Variants in CPNE2 observed in about 807,000 individuals in gnomAD.
CPNE2 encodes the protein copine 2.
Under a neutral mutation model 69.7 loss-of-function variants are expected in CPNE2, and 42 were observed. The ratio of observed to expected loss-of-function variants is 0.60; its 90% CI spans 0.47 to 0.78. The LOEUF is 0.78. Among genes scored for constraint, CPNE2 ranks in the 30% least tolerant of loss-of-function variants. CPNE2 has a pLI of 0.00. For synonymous variants in CPNE2, 294 were observed against 289.8 expected (o/e 1.01, Z -0.15); for missense variants, 587 against 732.0 (o/e 0.80, Z 2.29).
At chr16:57,127,105 C>T (rs2069806096) in intron 11 of CPNE2, among the ~76,000 whole-genome samples, 1 of 152,170 alleles carries the variant, frequency 6.6e-6, no homozygotes, top group Non-Finnish European at 1.5e-5. Context: ...AGGAAGAAAT[C>T]GTCGGAGTTC....
In CPNE2 at chr16:57,101,062, G is replaced by A. The variant is rs577750810; in HGVS notation, c.-36+8272G>A. ...TCCAGCAGCTTACCCTCCATTATGT[G>A]TGGCCCTCATTCAATTGATCAGAGG... On this transcript the variant is annotated intron_variant, in intron 1 of 15. Coordinates refer to ENST00000290776, the MANE Select transcript of CPNE2 (RefSeq NM_152727.6). Among the ~76,000 whole-genome samples, 153 of 152,296 alleles carry A rather than the reference G, an allele frequency of 1.0e-3. 1 individual carries two copies. The highest frequency in any genetic ancestry group is 3.6e-3 in the African/African-American group (148 of 41,562).
At chr16:57,125,215 C>T (rs1273432630) in intron 10 of CPNE2, 2 of 449,178 alleles carry the variant, frequency 4.5e-6, no homozygotes, top group African/African-American at 4.0e-5. Flanking sequence ...AGCCCTAGTC[C>T]CTGCCTGCCC....
At chr16:57,103,771 G>A (rs537057161) in intron 1 of CPNE2, among the ~76,000 whole-genome samples, 9 of 152,156 alleles carry the variant, frequency 5.9e-5, no homozygotes, top group African/African-American at 1.9e-4. Context: ...GCTGGTTCCC[G>A]GGTTCTACAT....
intron 2 of CPNE2, among the ~76,000 whole-genome samples, chr16:57,112,427 G>A (rs1405142692): frequency 1.3e-5 from 2 of 150,896 alleles, no homozygotes; most frequent in Admixed American, 6.6e-5. Context: ...CACCCTCCCT[G>A]ACAACCTCTG....
intron 12 of CPNE2, among the ~76,000 whole-genome samples, chr16:57,134,312 C>T (rs1018007340): frequency 2.0e-5 from 3 of 152,140 alleles, no homozygotes; most frequent in Non-Finnish European, 4.4e-5. Flanking sequence ...GGCTGTCTGG[C>T]GCAAGGCAGG....
intron 5 of CPNE2, among the ~76,000 whole-genome samples, chr16:57,118,799 T>A (rs1240531463): frequency 6.6e-6 from 1 of 152,218 alleles, no homozygotes; most frequent in Non-Finnish European, 1.5e-5. Flanking sequence ...CAGGATAGTT[T>A]CAGTTTTTCA....
intron 1 of CPNE2, among the ~76,000 whole-genome samples, chr16:57,099,416 G>A (rs2069598690): frequency 6.6e-6 from 1 of 152,134 alleles, no homozygotes; most frequent in African/African-American, 2.4e-5. Context: ...GAACATTCCT[G>A]TGTGTATCTT....
chr16:57,137,355 G>C, intron 14 of CPNE2, 73 bp downstream of exon 14: 1 of 1,568,004 alleles, frequency 6.4e-7, no homozygotes, highest in Non-Finnish European at 8.7e-7. Flanking sequence ...AGGATATTCT[G>C]CCTTCTCTTT....
intron 9 of CPNE2, among the ~76,000 whole-genome samples, chr16:57,122,126 C>A (rs1342368042): frequency 6.6e-6 from 1 of 152,250 alleles, no homozygotes; most frequent in Non-Finnish European, 1.5e-5. Flanking sequence ...ACCCTGTCCT[C>A]TCTGGCATCA....
chr16:57,107,103 G>A (rs996613480), intron 1 of CPNE2, among the ~76,000 whole-genome samples: 2 of 152,162 alleles, frequency 1.3e-5, no homozygotes, highest in African/African-American at 4.8e-5. Flanking sequence ...ATGGGAAGGC[G>A]CTCTCAGCCA....
At chr16:57,119,687 C>T (rs765415006) in intron 7 of CPNE2, 37 bp downstream of exon 7, 8 of 1,451,960 alleles carry the variant, frequency 5.5e-6, no homozygotes, top group Non-Finnish European at 7.6e-6. Flanking sequence ...CCCACCTTGC[C>T]AGCTCCAGCC....
rs1317838191 is a variant in CPNE2 at position 57,147,743 on chromosome 16, G to A, written c.*85G>A. On this transcript the variant is annotated 3_prime_UTR_variant, in exon 16 of 16. Transcript: ENST00000290776. ...ACGCTCACTCTGCTTCCTTGTGGGT[G>A]GCCTTTTTTTACCGATCCCCTTTTT... is the stretch of plus-strand genomic sequence containing the variant. The A allele has an allele frequency of 1.1e-5, 10 of 872,380 alleles. No individual in the cohort carries two copies. Among genetic ancestry groups the A allele is most frequent in the Non-Finnish European group, 1.6e-5 (10 of 619,900 alleles). 54.0% of individuals were successfully genotyped at this position (872,380 alleles called of 1,614,324 possible). A position where few individuals can be genotyped will look rare whatever the true frequency, so the allele number is the denominator to read the frequency against.
intron 1 of CPNE2, among the ~76,000 whole-genome samples, chr16:57,110,219 C>CTTT (rs2069671750): frequency 8.2e-6 from 1 of 121,578 alleles, no homozygotes; most frequent in African/African-American, 3.1e-5. Context: ...TTTTTCTTTT[C>CTTT]TTTTCTTTTT....
rs146402313 is a variant in CPNE2 at position 57,129,096 on chromosome 16, G to A, written c.1116+1193G>A. 4.1e-3 allele frequency: 623 copies of A among 153,288 alleles called. 1 individual carries two copies. Among genetic ancestry groups the A allele is most frequent in the Non-Finnish European group, 6.9e-3 (476 of 68,640 alleles). The allele number at this position is 153,288 out of a possible 1,614,324, so 9.5% of individuals were successfully genotyped here. A position where few individuals can be genotyped will look rare whatever the true frequency, so the allele number is the denominator to read the frequency against. ...GGCAGTGGGGCAGGGGGAGCCTTCA[G>A]GGCAGAGAACAGACTGTGCGAAGCC... On this transcript the variant is annotated intron_variant, in intron 12 of 15. Coordinates refer to ENST00000290776, the MANE Select transcript of CPNE2 (RefSeq NM_152727.6).
chr16:57,100,796 C>G (rs2069608363), intron 1 of CPNE2, among the ~76,000 whole-genome samples: 1 of 152,146 alleles, frequency 6.6e-6, no homozygotes. Flanking sequence ...CACCTTCACC[C>G]TTCTCTTGCA....
chr16:57,136,687 G>A (rs186018514), intron 13 of CPNE2, among the ~76,000 whole-genome samples: 1 of 152,336 alleles, frequency 6.6e-6, no homozygotes, highest in East Asian at 1.9e-4. Flanking sequence ...GCCAAAGTGG[G>A]CAGATAACCT....
Position 57,146,197 on chromosome 16 carries a change from T to C in CPNE2, c.1415T>C (p.Val472Ala). Residue 472 changes from valine to alanine, a missense_variant, in exon 15 of 16, where the codon GTG (valine) becomes GCG (alanine). Transcript: ENST00000290776. The surrounding 1 kb of genome is among the most constrained non-coding windows in gnomAD (Gnocchi z 4.4). ...KLPMSIIIVG[V>A]GNADFAAMEF... ...CCCATGTCCATCATCATCGTGGGCG[T>C]GGGCAATGCGGACTTCGCTGCCATG... 6.4e-7 allele frequency: 1 copy of C among 1,572,730 alleles called. No individual in the cohort carries two copies. Among genetic ancestry groups the C allele is most frequent in the South Asian group, 1.2e-5 (1 of 86,116 alleles).
chr16:57,094,814 A>T (rs1265518230), intron 1 of CPNE2, among the ~76,000 whole-genome samples: 2 of 151,582 alleles, frequency 1.3e-5, no homozygotes, highest in African/African-American at 4.8e-5. Context: ...GGGGTGAAAG[A>T]AGACCAGGAG....
chr16:57,119,271 G>T lies in CPNE2; in HGVS notation c.584G>T (p.Arg195Met). 1 of 1,614,130 alleles carries T rather than the reference G, an allele frequency of 6.2e-7. No homozygotes were observed. The highest frequency in any genetic ancestry group is 8.5e-7 in the Non-Finnish European group (1 of 1,179,992). The part of the protein sequence containing the change: ...GDDGKWMLVH[R>M]TEVIKYTLDP... ...GATGGCAAGTGGATGCTGGTCCACA[G>T]GACTGAGGTGGGTACGTGGGGGCCC... is the stretch of plus-strand genomic sequence containing the variant. The change falls in exon 6 of 16, where the codon AGG becomes ATG. Residue 195 changes from arginine to methionine, a missense_variant. By Grantham distance (91) the Arg-to-Met change is moderately conservative. Transcript: ENST00000290776.
Sources: gnomAD v4.1 joint callset for allele counts (sites outside exome capture counted in the v4.1 genomes callset) on GRCh38, gnomAD v4.1.1 for gene constraint, Gnocchi (gnomAD v3.1) non-coding constraint, MANE v1.5 for transcripts, NCBI Gene and HGNC (gene_info 2026-07-23, HGNC 2026-07-21) for gene names.